GPR39: variants seen among roughly 807,000 people sequenced by gnomAD.
The protein encoded by GPR39 is zinc sensing receptor.
Under a neutral mutation model 18.4 loss-of-function variants are expected in GPR39, and 23 were observed. The observed-to-expected ratio is 1.25, with a 90% confidence interval of 0.90 to 1.77. The LOEUF is 1.77. Ranked by LOEUF, GPR39 falls within the 40% of genes most tolerant of loss-of-function variation. The pLI is 0.00. For synonymous variants in GPR39, 280 were observed against 257.9 expected, an observed-to-expected ratio of 1.09 and a Z score of -0.82; for missense variants, 647 against 602.4, an observed-to-expected ratio of 1.07 and a Z score of -0.78.
intron 1 of GPR39, among the ~76,000 whole-genome samples, chr2:132,465,860 A>G (rs1680918873): frequency 6.6e-6 from 1 of 152,254 alleles, no homozygotes; most frequent in Non-Finnish European, 1.5e-5. Context: ...GGTGGTGTAT[A>G]TAATGTATCT....
intron 1 of GPR39, among the ~76,000 whole-genome samples, chr2:132,588,580 G>T (rs764873994): frequency 2.0e-5 from 3 of 152,180 alleles, no homozygotes; most frequent in Non-Finnish European, 4.4e-5. Context: ...GGATTTCTGG[G>T]AGAGGAGACC....
chr2:132,631,684 A>T (rs1392737453), intron 1 of GPR39, among the ~76,000 whole-genome samples: 1 of 152,242 alleles, frequency 6.6e-6, no homozygotes. Flanking sequence ...AGATGAACAG[A>T]TAATAAGAAA....
At chr2:132,607,413 G>A (rs61517950) in intron 1 of GPR39, among the ~76,000 whole-genome samples, 32,741 of 152,022 alleles carry the variant, frequency 0.22, 3,788 homozygotes, top group African/African-American at 0.27. Context: ...TTAGAGGGAG[G>A]AGAGTAGGTG....
chr2:132,624,991 G>A (rs1681515256), intron 1 of GPR39, among the ~76,000 whole-genome samples: 1 of 152,024 alleles, frequency 6.6e-6, no homozygotes, highest in Non-Finnish European at 1.5e-5. Flanking sequence ...AGCTCTACTA[G>A]AGACTGTCAA....
intron 1 of GPR39, among the ~76,000 whole-genome samples, chr2:132,475,570 A>G (rs1195247000): frequency 6.6e-6 from 1 of 151,864 alleles, no homozygotes; most frequent in African/African-American, 2.4e-5. Context: ...GCTTAACTAC[A>G]CGAATACCCC....
intron 1 of GPR39, among the ~76,000 whole-genome samples, chr2:132,504,643 G>A (rs1007649195): frequency 2.0e-5 from 3 of 152,032 alleles, no homozygotes; most frequent in South Asian, 2.1e-4. Context: ...CACACTTCTC[G>A]ATTTTAGCTC....
chr2:132,505,862 T>C (rs1679126672), intron 1 of GPR39, among the ~76,000 whole-genome samples: 1 of 152,196 alleles, frequency 6.6e-6, no homozygotes, highest in Non-Finnish European at 1.5e-5. Flanking sequence ...GCAATAAACA[T>C]GGGGGTCAAG....
intron 1 of GPR39, among the ~76,000 whole-genome samples, chr2:132,442,016 G>C (rs1680449327): frequency 6.6e-6 from 1 of 152,042 alleles, no homozygotes; most frequent in Non-Finnish European, 1.5e-5. Context: ...TGGGACTTCA[G>C]GTTCTAAAGT....
At chr2:132,478,980 G>T (rs1681182264) in intron 1 of GPR39, among the ~76,000 whole-genome samples, 1 of 151,764 alleles carries the variant, frequency 6.6e-6, no homozygotes, top group South Asian at 2.1e-4. Flanking sequence ...GTGTTCAAGG[G>T]AATTAAGATG....
intron 1 of GPR39, among the ~76,000 whole-genome samples, chr2:132,441,034 TCAAG>T (rs992582378): frequency 6.6e-6 from 1 of 152,220 alleles, no homozygotes; most frequent in Non-Finnish European, 1.5e-5. Flanking sequence ...AATTAAAAAC[TCAAG>T]CAGGCTGATC....
intron 1 of GPR39, among the ~76,000 whole-genome samples, chr2:132,613,325 C>G (rs920581239): frequency 3.9e-4 from 59 of 152,230 alleles, no homozygotes; most frequent in Non-Finnish European, 5.9e-5. Context: ...TTAAATAACT[C>G]TATTGGGCAT....
At chr2:132,517,598 C>T (rs1679355477) in intron 1 of GPR39, among the ~76,000 whole-genome samples, 1 of 152,200 alleles carries the variant, frequency 6.6e-6, no homozygotes, top group African/African-American at 2.4e-5. Flanking sequence ...GAGAGAATGA[C>T]TCAGCTCAAA....
intron 1 of GPR39, among the ~76,000 whole-genome samples, chr2:132,598,737 C>A (rs972410615): frequency 1.3e-5 from 2 of 152,074 alleles, no homozygotes; most frequent in Non-Finnish European, 2.9e-5. Flanking sequence ...ACTAGGCAGA[C>A]TAAAATCCAC....
intron 1 of GPR39, among the ~76,000 whole-genome samples, chr2:132,515,308 A>G (rs1679312658): frequency 6.6e-6 from 1 of 152,218 alleles, no homozygotes. Context: ...TCTCTTAGTT[A>G]TTGACTGACC....
chr2:132,441,566 T>G (rs6734335), intron 1 of GPR39, among the ~76,000 whole-genome samples: 1 of 152,124 alleles, frequency 6.6e-6, no homozygotes, highest in Non-Finnish European at 1.5e-5. Context: ...GAAGTGGCAA[T>G]GGAAGGGCCC....
intron 1 of GPR39, among the ~76,000 whole-genome samples, chr2:132,492,470 A>G (rs1053288041): frequency 7.0e-6 from 1 of 143,386 alleles, no homozygotes; most frequent in Non-Finnish European, 1.5e-5. Flanking sequence ...TATATACCAT[A>G]TATATACACC....
At chr2:132,453,247 T>G (rs1281878878) in intron 1 of GPR39, among the ~76,000 whole-genome samples, 2 of 152,242 alleles carry the variant, frequency 1.3e-5, no homozygotes, top group Non-Finnish European at 2.9e-5. Flanking sequence ...ATGAGCATTT[T>G]TTCATGTGTC....
chr2:132,507,881 T>C (rs1679164110), intron 1 of GPR39, among the ~76,000 whole-genome samples: 1 of 152,204 alleles, frequency 6.6e-6, no homozygotes, highest in African/African-American at 2.4e-5. Context: ...TGGTTATCTT[T>C]GGAACGTGTC....
chr2:132,575,380 A>C (rs2104818128), intron 1 of GPR39, among the ~76,000 whole-genome samples: 1 of 152,380 alleles, frequency 6.6e-6, no homozygotes, highest in East Asian at 1.9e-4. Flanking sequence ...ATAAGAAATA[A>C]GAGATCCCTC....
Sources: allele counts gnomAD v4.1 joint callset (sites outside exome capture counted in the v4.1 genomes callset), GRCh38; gene constraint gnomAD v4.1.1; transcripts MANE v1.5; gene names NCBI Gene and HGNC (gene_info 2026-07-23, HGNC 2026-07-21).